The following SAP30BP variants were observed in gnomAD, a reference collection of about 807,000 sequenced individuals.
The protein encoded by SAP30BP is SAP30-binding protein.
A neutral mutation model predicts 46.3 loss-of-function variants in SAP30BP; 31 were observed. That is an observed-to-expected ratio of 0.67 (90% confidence interval 0.50 to 0.90). The LOEUF (loss-of-function observed/expected upper bound fraction) is 0.90, where lower values mean the gene tolerates loss of function less well. Among genes scored for constraint, SAP30BP ranks in the 40% least tolerant of loss-of-function variants. The pLI, the probability that SAP30BP is intolerant of heterozygous loss-of-function variation, is 0.00. For missense variants in SAP30BP, 312 were observed against 391.0 expected (o/e 0.80, Z 1.70); for synonymous variants, 169 against 144.2 (o/e 1.17, Z -1.23).
intron 4 of SAP30BP, among the ~76,000 whole-genome samples, chr17:75,695,954 G>A (rs531545884): frequency 3.3e-5 from 5 of 152,256 alleles, no homozygotes; most frequent in African/African-American, 1.2e-4. Flanking sequence ...ATACTCCACC[G>A]TCCCCTGGGG....
At chr17:75,697,089 C>G (rs965318077) in intron 4 of SAP30BP, among the ~76,000 whole-genome samples, 1 of 152,152 alleles carries the variant, frequency 6.6e-6, no homozygotes, top group African/African-American at 2.4e-5. Flanking sequence ...TCCTCTTACA[C>G]TGTACACCAT....
chr17:75,667,612 G>C (rs1403880922), intron 1 of SAP30BP, 134 bp downstream of exon 1: 2 of 721,422 alleles, frequency 2.8e-6, no homozygotes, highest in Middle Eastern at 3.5e-4. Context: ...CAGGGTCCGG[G>C]GTGAGATAGA....
intron 3 of SAP30BP, 64 bp from the exon 4 acceptor site, chr17:75,693,376 C>A: frequency 1.5e-6 from 2 of 1,379,212 alleles, no homozygotes; most frequent in South Asian, 1.2e-5. Context: ...TGAGTGGTCT[C>A]AGTAGAGAGT....
At chr17:75,701,430 A>G (rs779285322) in intron 5 of SAP30BP, among the ~76,000 whole-genome samples, 3 of 152,116 alleles carry the variant, frequency 2.0e-5, no homozygotes, top group Non-Finnish European at 4.4e-5. Flanking sequence ...CATCATGTCC[A>G]TGGGCTGGGC....
At chr17:75,670,495 A>G (rs561222398) in intron 2 of SAP30BP, among the ~76,000 whole-genome samples, 240 of 146,188 alleles carry the variant, frequency 1.6e-3, no homozygotes, top group Middle Eastern at 0.011. Flanking sequence ...AAGTACACAC[A>G]TTCTGGCTTA....
At chr17:75,705,680 G>A (rs542377684) in intron 9 of SAP30BP, 695 of 1,129,258 alleles carry the variant, frequency 6.2e-4, no homozygotes, top group African/African-American at 1.3e-3. Flanking sequence ...GGCGGGCACC[G>A]CCTCCTCCTG....
chr17:75,691,113 G>A (rs1007358104), intron 3 of SAP30BP, among the ~76,000 whole-genome samples: 1 of 152,122 alleles, frequency 6.6e-6, no homozygotes, highest in Admixed American at 6.6e-5. Flanking sequence ...AAGCTGGGTG[G>A]GCCTTGTTTG....
At chr17:75,694,995 A>G (rs1166745035) in intron 4 of SAP30BP, among the ~76,000 whole-genome samples, 2 of 152,130 alleles carry the variant, frequency 1.3e-5, no homozygotes, top group Admixed American at 1.3e-4. Context: ...TAGCCCCACC[A>G]CAATTGTGAT....
chr17:75,705,373 C>CA (rs2060479935), intron 9 of SAP30BP: 1 of 164,008 alleles, frequency 6.1e-6, no homozygotes, highest in African/African-American at 2.4e-5. Context: ...ATCAGGACAC[C>CA]AGCTCCTCCC....
intron 9 of SAP30BP, chr17:75,705,644 G>A: frequency 9.3e-7 from 1 of 1,075,462 alleles, no homozygotes; most frequent in South Asian, 3.0e-5. Context: ...AGCGCCTGGG[G>A]ACCGGAGCTG....
In SAP30BP at chr17:75,700,725, A is replaced by G. The variant is rs1329412441; in HGVS notation, c.396+854A>G. On this transcript the variant is annotated intron_variant, in intron 5 of 10. Transcript: ENST00000584667. ...CCCATTGCTGGGTCGTCTCCCCACCACCGCCCTCCAGAATCACGTCACCCT... is the reference window on the plus strand; with the variant it reads ...CCCATTGCTGGGTCGTCTCCCCACCGCCGCCCTCCAGAATCACGTCACCCT... Among the ~76,000 whole-genome samples, 5 of 151,934 alleles carry G rather than the reference A, an allele frequency of 3.3e-5. 1 individual carries two copies. Among genetic ancestry groups the G allele is most frequent in the Admixed American group, 2.0e-4 (3 of 15,248 alleles).
At chr17:75,673,026 A>G (rs2059930110) in intron 3 of SAP30BP, among the ~76,000 whole-genome samples, 2 of 152,132 alleles carry the variant, frequency 1.3e-5, no homozygotes, top group South Asian at 4.1e-4. Context: ...ACCTAGTAAA[A>G]TTTAGGAAAT....
At chr17:75,705,585 C>G (rs1044214464) in intron 9 of SAP30BP, 5 of 1,024,274 alleles carry the variant, frequency 4.9e-6, no homozygotes, top group Non-Finnish European at 5.9e-6. Flanking sequence ...CCTTCTCTCT[C>G]TTTCCCTCTC....
At chr17:75,705,985 T>C (rs758450372) in intron 9 of SAP30BP, 23 bp from the exon 10 acceptor site, 4 of 1,611,336 alleles carry the variant, frequency 2.5e-6, no homozygotes, top group Admixed American at 1.7e-5. Flanking sequence ...CCTGGTCTTA[T>C]TCTCTTCCCT....
At position 75,706,681 on chromosome 17, in the gene SAP30BP, G is replaced by A. The variant is rs749540628; in HGVS notation, c.*160G>A. The A allele has an allele frequency of 2.1e-5, 14 of 671,796 alleles. No individual in the cohort carries two copies. The highest frequency in any genetic ancestry group is 5.8e-5 in the Admixed American group (2 of 34,694). 41.6% of individuals were successfully genotyped at this position (671,796 alleles called of 1,614,324 possible). On this transcript the variant is annotated 3_prime_UTR_variant, in exon 11 of 11. Transcript: ENST00000584667. The surrounding 1 kb of genome is among the most constrained non-coding windows in gnomAD (Gnocchi z 4.6). ...TTCCAGATGGAAGGACAGGCAGCAC[G>A]GGAGCCAGGCGCTGTGGACAGGGTC...
intron 4 of SAP30BP, 69 bp downstream of exon 4, chr17:75,693,551 C>A (rs933185892): frequency 3.5e-6 from 5 of 1,440,624 alleles, no homozygotes; most frequent in Non-Finnish European, 3.9e-6. Context: ...TCCAGCCATG[C>A]CAGGCCTGCC....
At chr17:75,688,636 G>A (rs1190381624) in intron 3 of SAP30BP, among the ~76,000 whole-genome samples, 2 of 152,102 alleles carry the variant, frequency 1.3e-5, no homozygotes, top group African/African-American at 4.8e-5. Context: ...AGCATTGTTG[G>A]CTGTAAATAA....
At chr17:75,694,604 C>G (rs1034777946) in intron 4 of SAP30BP, among the ~76,000 whole-genome samples, 5 of 129,004 alleles carry the variant, frequency 3.9e-5, no homozygotes, top group African/African-American at 1.5e-4. Context: ...GAGTGTGCAT[C>G]TGCTGGGAAG....
chr17:75,697,298 T>A (rs2060337383), intron 4 of SAP30BP, among the ~76,000 whole-genome samples: 1 of 152,236 alleles, frequency 6.6e-6, no homozygotes, highest in African/African-American at 2.4e-5. Context: ...GCTTTTGTTG[T>A]TGCTGCTTGT....
Sources: gnomAD v4.1 joint callset for allele counts (sites outside exome capture counted in the v4.1 genomes callset) on GRCh38, gnomAD v4.1.1 for gene constraint, Gnocchi (gnomAD v3.1) non-coding constraint, MANE v1.5 for transcripts, NCBI Gene and HGNC (gene_info 2026-07-23, HGNC 2026-07-21) for gene names.